FMN1: variants seen among roughly 807,000 people sequenced by gnomAD.
FMN1 encodes the protein formin-1.
In FMN1, 110 loss-of-function variants were observed where a neutral mutation model predicts 132.4. That is an observed-to-expected ratio of 0.83 (90% confidence interval 0.71 to 0.97). The LOEUF (loss-of-function observed/expected upper bound fraction) is 0.97. Ranked by LOEUF, FMN1 falls within the 50% of genes least tolerant of loss-of-function variation. The pLI is 0.00. For synonymous variants in FMN1, 722 were observed against 651.7 expected (o/e 1.11, Z -1.64); for missense variants, 1,792 against 1,705.3 (o/e 1.05, Z -0.90).
chr15:32,962,282 T>A (rs925698565), intron 9 of FMN1, among the ~76,000 whole-genome samples: 13 of 152,154 alleles, frequency 8.5e-5, no homozygotes, highest in Non-Finnish European at 5.9e-5. Flanking sequence ...GAAAACTGGC[T>A]AGCCATATGT....
At position 33,088,863 on chromosome 15, in the gene FMN1, C is replaced by T. The variant is rs1440867244; in HGVS notation, c.1979G>A (p.Cys660Tyr). The change falls in exon 5 of 21, where the codon TGT becomes TAT. Residue 660 changes from cysteine to tyrosine, a missense_variant. Cys to Tyr is a radical substitution (Grantham distance 194). Around this residue, in one of 3 missense-constraint regions of FMN1, gnomAD observed 1,150 missense variants for 1,043.1 expected, o/e 1.10. Transcript: ENST00000616417. Reference sequence around the variant, plus strand: ...CCTTTCCTCATGAAGCAAAAATGGACAGGCTGGTCCCGCTCTGTAGCCCAG... The same window carrying T: ...CCTTTCCTCATGAAGCAAAAATGGATAGGCTGGTCCCGCTCTGTAGCCCAG... ...WVLGYRAGPA[C>Y]PFLLHEEREK... The T allele has an allele frequency of 7.8e-6, 12 of 1,535,906 alleles. No homozygotes were observed. The highest frequency in any genetic ancestry group is 7.8e-6 in the Non-Finnish European group (9 of 1,146,814).
intron 17 of FMN1, among the ~76,000 whole-genome samples, chr15:32,825,865 T>C (rs1234596425): frequency 1.3e-5 from 2 of 152,226 alleles, no homozygotes; most frequent in Non-Finnish European, 2.9e-5. Context: ...TGACACACTG[T>C]GGGCCTATTC....
chr15:33,157,432 C>A (rs1213378250), intron 3 of FMN1, among the ~76,000 whole-genome samples: 1 of 152,122 alleles, frequency 6.6e-6, no homozygotes. Context: ...AGTACATCTC[C>A]ATTTTACAGA....
intron 6 of FMN1, among the ~76,000 whole-genome samples, chr15:33,036,717 T>C (rs1461684986): frequency 6.6e-6 from 1 of 152,228 alleles, no homozygotes; most frequent in Non-Finnish European, 1.5e-5. Flanking sequence ...TAATAAGTAT[T>C]AAAATTTAAT....
intron 17 of FMN1, among the ~76,000 whole-genome samples, chr15:32,840,503 C>T (rs1020966767): frequency 6.6e-6 from 1 of 152,200 alleles, no homozygotes; most frequent in Admixed American, 6.5e-5. Context: ...CACATAACTG[C>T]GTACAAATGA....
chr15:33,066,510 C>G, intron 5 of FMN1: 7 of 1,524,158 alleles, frequency 4.6e-6, no homozygotes, highest in Non-Finnish European at 6.2e-6. Context: ...ATTCTACATA[C>G]ACTTTTGGAA....
intron 6 of FMN1, among the ~76,000 whole-genome samples, chr15:33,040,527 A>T (rs543958831): frequency 6.6e-6 from 1 of 152,230 alleles, no homozygotes; most frequent in East Asian, 1.9e-4. Flanking sequence ...ATTATTATTT[A>T]TAACAGTGGA....
chr15:32,997,955 T>A (rs2033875388), intron 7 of FMN1, among the ~76,000 whole-genome samples: 2 of 152,152 alleles, frequency 1.3e-5, no homozygotes, highest in Non-Finnish European at 1.5e-5. Context: ...CGTATGTTCA[T>A]GAAAAAAATA....
chr15:32,774,974 A>G (rs1300255529), intron 20 of FMN1, among the ~76,000 whole-genome samples: 1 of 152,144 alleles, frequency 6.6e-6, no homozygotes, highest in Non-Finnish European at 1.5e-5. Context: ...ACTACACAGA[A>G]ACATGGACCC....
In FMN1 at chr15:32,799,300, T is replaced by C. The variant is rs563101647; in HGVS notation, c.3981-347A>G. Reference sequence around the variant, plus strand: ...CTTCATTTTATGTTTAGTGATTACATGCAAGGTGGATGACACACTGACTGC... The same window carrying C: ...CTTCATTTTATGTTTAGTGATTACACGCAAGGTGGATGACACACTGACTGC... On this transcript the variant is annotated intron_variant, in intron 18 of 20. Transcript: ENST00000616417. 5.0e-3 allele frequency among the ~76,000 whole-genome samples: 765 copies of C among 152,272 alleles called. 1 individual carries two copies. Among genetic ancestry groups the C allele is most frequent in the Non-Finnish European group, 8.1e-3 (552 of 68,012 alleles).
intron 10 of FMN1, among the ~76,000 whole-genome samples, chr15:32,920,494 T>C (rs1475593525): frequency 1.3e-5 from 2 of 152,138 alleles, no homozygotes; most frequent in African/African-American, 2.4e-5. Context: ...TCAAACACTA[T>C]CTTGGGTAGA....
intron 4 of FMN1, among the ~76,000 whole-genome samples, chr15:33,135,902 C>T (rs1963745838): frequency 6.6e-6 from 1 of 152,162 alleles, no homozygotes; most frequent in Non-Finnish European, 1.5e-5. Flanking sequence ...CTTCACCCTT[C>T]TAGAATGAGT....
At chr15:32,806,452 G>A (rs973754179) in intron 17 of FMN1, among the ~76,000 whole-genome samples, 2 of 152,174 alleles carry the variant, frequency 1.3e-5, no homozygotes, top group East Asian at 3.8e-4. Flanking sequence ...CTCAATATAG[G>A]CCATGGCAGG....
chr15:32,968,199 C>CT (rs1391517615), intron 8 of FMN1, among the ~76,000 whole-genome samples: 1 of 152,200 alleles, frequency 6.6e-6, no homozygotes, highest in African/African-American at 2.4e-5. Flanking sequence ...TATTTTAAGA[C>CT]TCTCCTCTGA....
chr15:32,868,878 T>C (rs4238561), intron 16 of FMN1, among the ~76,000 whole-genome samples: 151,099 of 152,312 alleles, frequency 0.99, 74,949 homozygotes, highest in East Asian at 1. Flanking sequence ...ATTTCTCCTC[T>C]AAAAAACATT....
chr15:33,158,096 TAAAC>T (rs1256369976), intron 3 of FMN1, among the ~76,000 whole-genome samples: 1 of 152,006 alleles, frequency 6.6e-6, no homozygotes, highest in Non-Finnish European at 1.5e-5. Context: ...GGTCATCCCT[TAAAC>T]AATAAAATCT....
At chr15:32,939,517 G>A (rs2061355671) in intron 9 of FMN1, among the ~76,000 whole-genome samples, 1 of 152,044 alleles carries the variant, frequency 6.6e-6, no homozygotes, top group African/African-American at 2.4e-5. Flanking sequence ...TAGAATCATT[G>A]TTAAGTTTCA....
At position 32,908,557 on chromosome 15, in the gene FMN1, C is replaced by A; in HGVS notation, c.3310G>T (p.Val1104Phe). ...GTCTCGTAATACTTTCTTATTTTAA[C>A]CAGCTCATCCTCTTGGGCTCTCTGT... is the stretch of plus-strand genomic sequence containing the variant. The part of the protein sequence containing the change: ...YENRAQEDEL[V>F]KIRKYYETSK... Residue 1104 changes from valine (V) to phenylalanine (F), a missense_variant, in exon 12 of 21, where the codon GTT becomes TTT. This residue lies in a region of FMN1 where 1,150 missense variants were observed against 1,043.1 expected (regional missense o/e 1.10). Transcript: ENST00000616417. The A allele has an allele frequency of 6.2e-7, 1 of 1,602,880 alleles. No homozygotes were observed. Among genetic ancestry groups the A allele is most frequent in the Non-Finnish European group, 8.5e-7 (1 of 1,173,330 alleles).
At chr15:32,993,908 G>A (rs936097723) in intron 7 of FMN1, among the ~76,000 whole-genome samples, 3 of 141,252 alleles carry the variant, frequency 2.1e-5, no homozygotes, top group South Asian at 4.5e-4. Flanking sequence ...AGCCGGGGGC[G>A]GGGTGGGGGG....
Sources: gnomAD v4.1 joint callset for allele counts (sites outside exome capture counted in the v4.1 genomes callset) on GRCh38, gnomAD v4.1.1 for gene constraint, gnomAD v4.1.1 regional missense constraint, MANE v1.5 for transcripts, NCBI Gene and HGNC (gene_info 2026-07-23, HGNC 2026-07-21) for gene names.